The following EGF variants were observed in gnomAD, a reference collection of about 807,000 sequenced individuals.
EGF encodes epidermal growth factor, also known as pro-epidermal growth factor.
EGF carries 95 observed loss-of-function variants against 143.8 expected under a neutral mutation model. The ratio of observed to expected loss-of-function variants is 0.66; its 90% CI spans 0.56 to 0.78. The LOEUF (loss-of-function observed/expected upper bound fraction) is 0.78, where lower values mean the gene tolerates loss of function less well. Ranked by LOEUF, EGF falls within the 30% of genes least tolerant of loss-of-function variation. The pLI, the probability that EGF is intolerant of heterozygous loss-of-function variation, is 0.00. For missense variants in EGF, 1,320 were observed against 1,470.9 expected (o/e 0.90, Z 1.68); for synonymous variants, 510 against 510.5 (o/e 1.00, Z 0.01).
Position 110,011,184 on chromosome 4 carries a change from CT to C in EGF, c.3371-14del, listed in dbSNP as rs1338330470. ...GTTAATGATATGAATATTGAAATTTCTTTTGTCTTTCATATAGGGTCAATGC... is the reference window on the plus strand; with the variant it reads ...GTTAATGATATGAATATTGAAATTTCTTTGTCTTTCATATAGGGTCAATGC... On this transcript the variant is annotated splice_polypyrimidine_tract_variant and intron_variant, in intron 23 of 23. Coordinates refer to ENST00000265171, the MANE Select transcript of EGF (RefSeq NM_001963.6). 1.9e-6 allele frequency: 3 copies of C among 1,613,200 alleles called. No individual in the cohort carries two copies. The highest frequency in any genetic ancestry group is 2.2e-5 in the East Asian group (1 of 44,882).
intron 10 of EGF, among the ~76,000 whole-genome samples, chr4:109,967,902 A>G (rs971850430): frequency 6.6e-6 from 1 of 152,166 alleles, no homozygotes; most frequent in African/African-American, 2.4e-5. Context: ...AAAATATGGC[A>G]TAAGAGATAT....
chr4:109,980,036 A>T lies in EGF; in HGVS notation c.2118A>T (p.Ser706=), dbSNP rs1435217080. The T allele has an allele frequency of 6.2e-7, 1 of 1,614,080 alleles. No homozygotes were observed. Among genetic ancestry groups the T allele is most frequent in the Middle Eastern group, 1.7e-4 (1 of 6,058 alleles). ...YVWFSDWAMP[S]VMRVNKRTGK... is the part of the protein sequence containing the mutation. ...GGTTCTCAGATTGGGCTATGCCATC[A>T]GTAATGAGAGTAAACAAGAGGACTG... The change falls in exon 14 of 24, where the codon TCA becomes TCT. Residue 706 remains serine, a synonymous_variant. Coordinates refer to ENST00000265171, the MANE Select transcript of EGF (RefSeq NM_001963.6).
chr4:109,984,037 A>G (rs1749767006), intron 16 of EGF, among the ~76,000 whole-genome samples: 1 of 152,212 alleles, frequency 6.6e-6, no homozygotes, highest in Non-Finnish European at 1.5e-5. Flanking sequence ...TGTGTTCAGT[A>G]TGTAACAACT....
chr4:110,008,312 CCA>C (rs575333283), intron 23 of EGF, 82 bp downstream of exon 23: 5,810 of 1,411,272 alleles, frequency 4.1e-3, no homozygotes, highest in Non-Finnish European at 4.8e-3. Flanking sequence ...TCTCATTTAA[CCA>C]CACACACACA....
chr4:109,992,317 A>G (rs1207328137), intron 18 of EGF: 1 of 152,130 alleles, frequency 6.6e-6, no homozygotes, highest in African/African-American at 2.4e-5. Context: ...CTAAAAATGT[A>G]TAGGGCTGTG....
chr4:109,976,428 C>T (rs185299889), intron 13 of EGF, among the ~76,000 whole-genome samples, 193 bp downstream of exon 13: 9 of 152,178 alleles, frequency 5.9e-5, no homozygotes, highest in Admixed American at 3.9e-4. Flanking sequence ...AATAGTGTTG[C>T]GTAATCATTT....
chr4:109,994,694 C>A, intron 19 of EGF, 39 bp from the exon 20 acceptor site: 1 of 1,607,848 alleles, frequency 6.2e-7, no homozygotes, highest in Non-Finnish European at 8.5e-7. Flanking sequence ...AGACACTAAT[C>A]CATTCAGAAA....
intron 21 of EGF, among the ~76,000 whole-genome samples, chr4:110,000,268 A>T (rs990164675): frequency 6.6e-6 from 1 of 151,856 alleles, no homozygotes; most frequent in African/African-American, 2.4e-5. Flanking sequence ...AAAAAAAAAA[A>T]AAGGTGAAAT....
intron 20 of EGF, among the ~76,000 whole-genome samples, chr4:109,995,374 C>T (rs751724047): frequency 3.9e-5 from 6 of 152,178 alleles, no homozygotes; most frequent in Non-Finnish European, 7.4e-5. Context: ...TTCTTCACTT[C>T]CTAACAGTTG....
intron 3 of EGF, 47 bp from the exon 4 acceptor site, chr4:109,943,795 G>A (rs1039066470): frequency 6.5e-7 from 1 of 1,529,456 alleles, no homozygotes. Context: ...GGCCATTTAA[G>A]GCACTATACA....
At chr4:109,984,813 T>C (rs565031953) in intron 16 of EGF, among the ~76,000 whole-genome samples, 1 of 152,302 alleles carries the variant, frequency 6.6e-6, no homozygotes, top group Non-Finnish European at 1.5e-5. Context: ...GACCAAATAA[T>C]TAATTAATGT....
In EGF at chr4:109,980,622, G is replaced by C. The variant is rs1749198482; in HGVS notation, c.2222-204G>C. Reference sequence around the variant, plus strand: ...GCTGGCTATACCCAGTACTAATAAGGTAATAACATTCTGGGCTTATCTTAG... The same window carrying C: ...GCTGGCTATACCCAGTACTAATAAGCTAATAACATTCTGGGCTTATCTTAG... On this transcript the variant is annotated intron_variant, in intron 14 of 23. Transcript: ENST00000265171. The C allele has an allele frequency of 5.0e-6, 3 of 600,172 alleles. No individual in the cohort carries two copies. The Admixed American group carries it at 8.1e-5, about 16-fold the overall frequency. 37.2% of individuals were successfully genotyped at this position (600,172 alleles called of 1,614,324 possible). A position where few individuals can be genotyped will look rare whatever the true frequency, so the allele number is the denominator to read the frequency against.
chr4:110,009,565 T>A (rs1753739973), intron 23 of EGF, among the ~76,000 whole-genome samples: 1 of 152,146 alleles, frequency 6.6e-6, no homozygotes, highest in Non-Finnish European at 1.5e-5. Flanking sequence ...ATGTCTCTTT[T>A]GCTGTTGTTT....
At chr4:109,939,319 G>T (rs971422967) in intron 1 of EGF, among the ~76,000 whole-genome samples, 2 of 152,242 alleles carry the variant, frequency 1.3e-5, no homozygotes, top group African/African-American at 2.4e-5. Flanking sequence ...AGTGAGCAAG[G>T]CTCCATGGGT....
rs532628455 is a variant in EGF, at chr4:109,987,858, C to G, written c.2606C>G (p.Ser869Cys). Residue 869 changes from serine to cysteine, a missense_variant and splice_region_variant, in exon 17 of 24, where the codon TCT becomes TGT. This residue lies in a region of EGF where 1,186 missense variants were observed against 1,313.7 expected (regional missense o/e 0.90). Transcript: ENST00000265171. ...KGFAGDGKLC[S>C]DIDECEMGVP... is the part of the protein sequence containing the mutation. ...TTTGCTGGGGATGGAAAACTATGTT[C>G]TGGTAAGAGAAAAGGGCAAATTCAC... 1.2e-6 allele frequency: 2 copies of G among 1,611,724 alleles called. No individual in the cohort carries two copies. Among genetic ancestry groups the G allele is most frequent in the Non-Finnish European group, 1.7e-6 (2 of 1,177,982 alleles).
At position 109,914,673 on chromosome 4, in the gene EGF, T is replaced by C. The variant is rs1354431347; in HGVS notation, c.127+1211T>C. ...GCTTCCACAGTGTGTACTCAGCAAA[T>C]TCTTGTGTATGAATGAGGCGTCTTT... On this transcript the variant is annotated intron_variant, in intron 1 of 23. Coordinates refer to ENST00000265171, the MANE Select transcript of EGF (RefSeq NM_001963.6). Among the ~76,000 whole-genome samples, 3 of 152,174 alleles carry C rather than the reference T, an allele frequency of 2.0e-5. No individual in the cohort carries two copies. In the East Asian group the frequency reaches 5.8e-4, roughly 29 times the overall value.
chr4:109,968,600 T>C (rs1258992318), intron 10 of EGF, among the ~76,000 whole-genome samples: 1 of 152,004 alleles, frequency 6.6e-6, no homozygotes, highest in African/African-American at 2.4e-5. Flanking sequence ...TATCTATCTA[T>C]AGCAATAACA....
In EGF at chr4:110,011,618, T is replaced by C. The variant is rs969302718; in HGVS notation, c.*163T>C. The C allele has an allele frequency of 6.3e-6, 7 of 1,109,212 alleles. No homozygotes were observed. Among genetic ancestry groups the C allele is most frequent in the Non-Finnish European group, 7.7e-6 (6 of 782,706 alleles). The allele number at this position is 1,109,212 out of a possible 1,614,324, so 68.7% of individuals were successfully genotyped here. On this transcript the variant is annotated 3_prime_UTR_variant, in exon 24 of 24. Transcript: ENST00000265171. ...GATACGTAGTTGTGCTTTTGTTTGCTCTTTTAAGCAGTCTCACTGCAGTCT... is the reference window on the plus strand; with the variant it reads ...GATACGTAGTTGTGCTTTTGTTTGCCCTTTTAAGCAGTCTCACTGCAGTCT...
intron 5 of EGF, among the ~76,000 whole-genome samples, chr4:109,946,917 G>A (rs1477477785): frequency 6.6e-6 from 1 of 152,032 alleles, no homozygotes; most frequent in South Asian, 2.1e-4. Flanking sequence ...TCAGGAGTTC[G>A]AGACCAGTCT....
Sources: gnomAD v4.1 joint callset for allele counts (sites outside exome capture counted in the v4.1 genomes callset) on GRCh38, gnomAD v4.1.1 for gene constraint, gnomAD v4.1.1 regional missense constraint, MANE v1.5 for transcripts, NCBI Gene and HGNC (gene_info 2026-07-23, HGNC 2026-07-21) for gene names.